Variants in MMP26 observed in about 807,000 individuals in gnomAD.
The protein encoded by MMP26 is matrix metallopeptidase 26.
MMP26 carries 33 observed loss-of-function variants against 31.0 expected under a neutral mutation model. That is an observed-to-expected ratio of 1.06 (90% CI 0.81 to 1.42). The LOEUF is 1.42. Ranked by LOEUF, MMP26 falls within the 40% of genes most tolerant of loss-of-function variation. The probability of loss-of-function intolerance (pLI) is 0.00; values close to 1 mark genes in which losing one functional copy is unlikely to be tolerated. For synonymous variants in MMP26, 122 were observed against 114.9 expected, an observed-to-expected ratio of 1.06 and a Z score of -0.40; for missense variants, 347 against 316.1, an observed-to-expected ratio of 1.10 and a Z score of -0.74.
At chr11:4,750,229 G>T (rs989110172) in intron 1 of MMP26, among the ~76,000 whole-genome samples, 1 of 151,644 alleles carries the variant, frequency 6.6e-6, no homozygotes, top group African/African-American at 2.4e-5. Flanking sequence ...AACCACAATG[G>T]ATACCTATCA....
intron 2 of MMP26, among the ~76,000 whole-genome samples, chr11:4,950,274 A>G (rs1392510065): frequency 8.1e-6 from 1 of 122,914 alleles, no homozygotes; most frequent in Non-Finnish European, 1.8e-5. Flanking sequence ...GACAGAATTA[A>G]TTAATAGAAA....
chr11:4,923,533 A>G (rs746111031), intron 2 of MMP26: 3 of 1,614,182 alleles, frequency 1.9e-6, no homozygotes, highest in Non-Finnish European at 1.7e-6. Flanking sequence ...CGCGGGGCAG[A>G]TGTTCACCAA....
chr11:4,846,004 A>G (rs1849861762), intron 2 of MMP26, among the ~76,000 whole-genome samples: 1 of 152,298 alleles, frequency 6.6e-6, no homozygotes, highest in East Asian at 1.9e-4. Flanking sequence ...AGGTTCCTCA[A>G]TAAACTAAAA....
At chr11:4,860,968 C>A (rs1258917925) in intron 2 of MMP26, among the ~76,000 whole-genome samples, 1 of 151,406 alleles carries the variant, frequency 6.6e-6, no homozygotes, top group Non-Finnish European at 1.5e-5. Flanking sequence ...CCCATTAAAA[C>A]CTCACAATAC....
intron 2 of MMP26, among the ~76,000 whole-genome samples, chr11:4,781,160 C>T (rs1017484390): frequency 6.6e-6 from 1 of 152,120 alleles, no homozygotes; most frequent in Non-Finnish European, 1.5e-5. Flanking sequence ...AATATTTTGA[C>T]TAATGAAAGT....
rs1236718832 is a variant in MMP26, at chr11:4,723,398, C to T, written c.-217+18353C>T. 3 of 955,396 alleles carry T rather than the reference C, an allele frequency of 3.1e-6. No individual in the cohort carries two copies. In the African/African-American group the frequency reaches 4.8e-5, roughly 15 times the overall value. 59.2% of individuals were successfully genotyped at this position (955,396 alleles called of 1,614,324 possible). A position where few individuals can be genotyped will look rare whatever the true frequency, so the allele number is the denominator to read the frequency against. ...GAGATCACCTTGTACTGCGCCTTGA[C>T]CTCAGCGATAGTGTTGTCCATGTCC... On this transcript the variant is annotated intron_variant, in intron 1 of 7. Transcript: ENST00000380390.
chr11:4,770,162 A>G (rs1037172468), intron 2 of MMP26, among the ~76,000 whole-genome samples: 1 of 152,212 alleles, frequency 6.6e-6, no homozygotes, highest in Non-Finnish European at 1.5e-5. Flanking sequence ...AAATATGTCC[A>G]TATGATTTTA....
intron 2 of MMP26, among the ~76,000 whole-genome samples, chr11:4,873,734 G>C (rs547480020): frequency 7.2e-5 from 11 of 151,978 alleles, no homozygotes; most frequent in African/African-American, 2.4e-4. Context: ...TTATTTGCCT[G>C]GTGCTTATCT....
rs536643467 is a variant in MMP26 at position 4,984,829 on chromosome 11, G to A, written c.-144-3239G>A. Among the ~76,000 whole-genome samples the A allele has an allele frequency of 2.0e-3, 297 of 152,212 alleles. 1 individual carries two copies. Among genetic ancestry groups the A allele is most frequent in the African/African-American group, 7.1e-3 (293 of 41,548 alleles). ...TTCAAGAATACATCAGAGTGATTGAGGAACCATGCTCTATGGGGGTTCTCT... is the reference window on the plus strand; with the variant it reads ...TTCAAGAATACATCAGAGTGATTGAAGAACCATGCTCTATGGGGGTTCTCT... On this transcript the variant is annotated intron_variant, in intron 2 of 7. Transcript: ENST00000380390.
At chr11:4,888,145 A>T (rs563840161) in intron 2 of MMP26, among the ~76,000 whole-genome samples, 1 of 152,296 alleles carries the variant, frequency 6.6e-6, no homozygotes, top group South Asian at 2.1e-4. Context: ...AAAACATTGA[A>T]ATATGTTAAT....
intron 2 of MMP26, chr11:4,923,328 GAAAC>G (rs1564807808): frequency 6.6e-7 from 1 of 1,512,214 alleles, no homozygotes; most frequent in Non-Finnish European, 8.8e-7. Context: ...AAAACAAACA[GAAAC>G]CTGTGGGCTT....
chr11:4,798,993 G>A (rs981902050), intron 2 of MMP26, among the ~76,000 whole-genome samples: 1 of 152,036 alleles, frequency 6.6e-6, no homozygotes, highest in African/African-American at 2.4e-5. Flanking sequence ...CCTTTAATAC[G>A]GTTTTGTCTG....
At chr11:4,962,000 T>A (rs1846527738) in intron 2 of MMP26, among the ~76,000 whole-genome samples, 1 of 152,200 alleles carries the variant, frequency 6.6e-6, no homozygotes, top group African/African-American at 2.4e-5. Flanking sequence ...CCCCTGTTTT[T>A]TTCTGCTGCT....
intron 2 of MMP26, among the ~76,000 whole-genome samples, chr11:4,802,554 C>A (rs1443880727): frequency 2.0e-5 from 3 of 151,934 alleles, no homozygotes; most frequent in African/African-American, 4.8e-5. Context: ...CCTGCAAAAG[C>A]CATCTTGTGA....
chr11:4,799,590 C>G (rs1462504821), intron 2 of MMP26, among the ~76,000 whole-genome samples: 4 of 152,080 alleles, frequency 2.6e-5, no homozygotes, highest in African/African-American at 9.7e-5. Flanking sequence ...AATTTTATGT[C>G]CTTCTCACGT....
At chr11:4,722,991 C>T (rs558463551) in intron 1 of MMP26, 2 of 856,912 alleles carry the variant, frequency 2.3e-6, no homozygotes, top group Non-Finnish European at 4.0e-6. Context: ...AGCCGGCTCT[C>T]CTCGCCATCC....
At chr11:4,708,355 C>A (rs1176878713) in intron 1 of MMP26, among the ~76,000 whole-genome samples, 3 of 152,088 alleles carry the variant, frequency 2.0e-5, no homozygotes, top group Non-Finnish European at 4.4e-5. Context: ...AGAGAAATGC[C>A]CTCTTGAACA....
intron 2 of MMP26, among the ~76,000 whole-genome samples, chr11:4,798,484 T>C (rs1046817804): frequency 2.0e-5 from 3 of 152,218 alleles, no homozygotes; most frequent in Non-Finnish European, 4.4e-5. Context: ...TGAAAGTTTA[T>C]ATTTTAGGTC....
At chr11:4,946,335 T>C (rs753472487) in intron 2 of MMP26, 1 of 1,613,880 alleles carries the variant, frequency 6.2e-7, no homozygotes, top group Non-Finnish European at 8.5e-7. Context: ...AGGTTGATGA[T>C]GGGCAGGTAG....
Sources: gnomAD v4.1 joint callset for allele counts (sites outside exome capture counted in the v4.1 genomes callset) on GRCh38, gnomAD v4.1.1 for gene constraint, MANE v1.5 for transcripts, NCBI Gene and HGNC (gene_info 2026-07-23, HGNC 2026-07-21) for gene names.